Variants in RBFOX1 observed in about 807,000 individuals in gnomAD.
RBFOX1 encodes RNA binding protein fox-1 homolog 1.
Under a neutral mutation model 57.7 loss-of-function variants are expected in RBFOX1, and 8 were observed. The observed-to-expected ratio is 0.14, with a 90% CI of 0.08 to 0.25. RBFOX1 has a LOEUF of 0.25. Among genes scored for constraint, RBFOX1 ranks in the 10% least tolerant of loss-of-function variants. The probability of loss-of-function intolerance (pLI) is 1.00; values close to 1 mark genes in which losing one functional copy is unlikely to be tolerated. For missense variants in RBFOX1, 611 were observed against 548.5 expected (o/e 1.11, Z -1.14); for synonymous variants, 326 against 222.4 (o/e 1.47, Z -4.15).
intron 2 of RBFOX1, among the ~76,000 whole-genome samples, chr16:6,329,154 G>C (rs1358580537): frequency 6.6e-6 from 1 of 152,082 alleles, no homozygotes; most frequent in Non-Finnish European, 1.5e-5. Context: ...TTCAAGTGCT[G>C]AATTCCTACC....
rs112453963 is a variant in RBFOX1, at chr16:7,061,022, C to CTGTGTGTGTGTGTG, written c.27+8928_27+8941dup. 2.7e-3 allele frequency among the ~76,000 whole-genome samples: 405 copies of CTGTGTGTGTGTGTG among 150,630 alleles called. 2 individuals carry two copies. The highest frequency in any genetic ancestry group is 9.4e-3 in the African/African-American group (386 of 41,122). ...TTGATGAGATTTCATGTATGTTCTCCTGTGTGTGTGTGTGTGTACGTGCAC... is the reference window on the plus strand; with the variant it reads ...TTGATGAGATTTCATGTATGTTCTCCTGTGTGTGTGTGTGTGTGTGTGTGTGTGTGTACGTGCAC... On this transcript the variant is annotated intron_variant, in intron 4 of 15. Coordinates refer to ENST00000550418, the MANE Select transcript of RBFOX1 (RefSeq NM_018723.4).
chr16:5,275,238 A>G (rs1357227909), intron 1 of RBFOX1, among the ~76,000 whole-genome samples: 4 of 152,190 alleles, frequency 2.6e-5, no homozygotes, highest in Admixed American at 6.5e-5. Context: ...GCAATGAGTA[A>G]TGATCAAATC....
At position 5,622,979 on chromosome 16, in the gene RBFOX1, T is replaced by C. The variant is rs142989165; in HGVS notation, c.318+24018T>C. Among the ~76,000 whole-genome samples the C allele has an allele frequency of 3.9e-3, 589 of 152,300 alleles. 5 individuals are homozygous for C. Among genetic ancestry groups the C allele is most frequent in the African/African-American group, 0.013 (539 of 41,556 alleles). ...TAATCTATAGACAGTTTGAAGTATA[T>C]GGGAGGATGTCTGTAGGTTATATGC... On this transcript the variant is annotated intron_variant, in intron 3 of 19. Coordinates refer to the RBFOX1 transcript ENST00000641259.
At chr16:6,780,721 G>C (rs887350012) in intron 3 of RBFOX1, among the ~76,000 whole-genome samples, 12 of 150,546 alleles carry the variant, frequency 8.0e-5, no homozygotes, top group Admixed American at 2.7e-4. Context: ...TTACAATTTT[G>C]ATTTGCATTT....
intron 11 of RBFOX1, among the ~76,000 whole-genome samples, chr16:7,631,038 C>A (rs2060866208): frequency 1.3e-5 from 2 of 152,194 alleles, no homozygotes; most frequent in Non-Finnish European, 2.9e-5. Context: ...CCCAAAGGCA[C>A]CCTTGCCTAG....
chr16:6,277,914 G>A (rs752392243), intron 1 of RBFOX1, among the ~76,000 whole-genome samples: 1 of 152,096 alleles, frequency 6.6e-6, no homozygotes, highest in Non-Finnish European at 1.5e-5. Context: ...TTACCCTCGT[G>A]TAAGCTGTCT....
At chr16:6,889,540 C>G (rs2064932486) in intron 3 of RBFOX1, among the ~76,000 whole-genome samples, 1 of 152,146 alleles carries the variant, frequency 6.6e-6, no homozygotes, top group Non-Finnish European at 1.5e-5. Flanking sequence ...GTGTTACTCA[C>G]CCTGTCTTGA....
intron 4 of RBFOX1, among the ~76,000 whole-genome samples, chr16:7,075,584 TTTTTC>T: frequency 6.6e-6 from 1 of 152,000 alleles, no homozygotes. Context: ...TTTTTATTTA[TTTTTC>T]TTTTTTTATG....
At position 6,286,101 on chromosome 16, in the gene RBFOX1, G is replaced by A. The variant is rs2076880724; in HGVS notation, c.-126-30894G>A. Among the ~76,000 whole-genome samples, 4 of 152,164 alleles carry A rather than the reference G, an allele frequency of 2.6e-5. No individual in the cohort carries two copies. The East Asian group carries it at 7.7e-4, about 29-fold the overall frequency. ...TTCACGTATGGCCCTCTTTCCAGGA[G>A]AAATGCTGAAATATGTTTCAAAGCA... On this transcript the variant is annotated intron_variant, in intron 1 of 15. Transcript: ENST00000550418.
intron 1 of RBFOX1, among the ~76,000 whole-genome samples, chr16:6,227,546 A>G (rs976396505): frequency 6.6e-6 from 1 of 152,130 alleles, no homozygotes; most frequent in Admixed American, 6.6e-5. Flanking sequence ...TAGGGACAGA[A>G]GTGAGCTTGT....
intron 1 of RBFOX1, among the ~76,000 whole-genome samples, chr16:6,074,827 T>G (rs1321241197): frequency 6.6e-6 from 1 of 152,124 alleles, no homozygotes; most frequent in Non-Finnish European, 1.5e-5. Flanking sequence ...TATGCTGAGT[T>G]TGGTGGCTTA....
At chr16:6,602,193 G>A (rs1457144031) in intron 2 of RBFOX1, among the ~76,000 whole-genome samples, 1 of 151,868 alleles carries the variant, frequency 6.6e-6, no homozygotes, top group Non-Finnish European at 1.5e-5. Flanking sequence ...TTGAATTTTA[G>A]GAGTTCTTTA....
chr16:6,291,380 T>C (rs1244097721), intron 1 of RBFOX1, among the ~76,000 whole-genome samples: 2 of 152,180 alleles, frequency 1.3e-5, no homozygotes, highest in Non-Finnish European at 2.9e-5. Context: ...TTAGATGATA[T>C]GAGATGGTGG....
At chr16:7,171,983 A>T (rs1478709) in intron 4 of RBFOX1, among the ~76,000 whole-genome samples, 1 of 152,138 alleles carries the variant, frequency 6.6e-6, no homozygotes, top group Non-Finnish European at 1.5e-5. Context: ...GCTGTGTAGT[A>T]TAGTAGGAAG....
At chr16:7,066,888 G>A (rs1028468194) in intron 4 of RBFOX1, among the ~76,000 whole-genome samples, 1 of 152,132 alleles carries the variant, frequency 6.6e-6, no homozygotes, top group Non-Finnish European at 1.5e-5. Flanking sequence ...TACTTATTTT[G>A]AACCCAGACC....
chr16:7,072,472 C>T (rs1240005128), intron 4 of RBFOX1, among the ~76,000 whole-genome samples: 1 of 152,184 alleles, frequency 6.6e-6, no homozygotes, highest in African/African-American at 2.4e-5. Flanking sequence ...CTTAACTCTA[C>T]TCTCTACTGC....
chr16:7,368,125 GACATGGTGGCAC>G (rs1309090300), intron 4 of RBFOX1, among the ~76,000 whole-genome samples: 1 of 152,014 alleles, frequency 6.6e-6, no homozygotes, highest in African/African-American at 2.4e-5. Flanking sequence ...AAATTAGGTG[GACATGGTGGCAC>G]ACACCAGTAG....
chr16:5,459,362 G>C (rs2068722258), intron 1 of RBFOX1, among the ~76,000 whole-genome samples: 1 of 152,192 alleles, frequency 6.6e-6, no homozygotes, highest in African/African-American at 2.4e-5. Flanking sequence ...AGTGTGGTGG[G>C]TTTTGTGGGA....
intron 5 of RBFOX1, among the ~76,000 whole-genome samples, chr16:7,535,578 A>G (rs150093403): frequency 1.4e-3 from 212 of 152,326 alleles, no homozygotes; most frequent in African/African-American, 4.0e-3. Flanking sequence ...TGGAGAGTCT[A>G]TCAGATCTTT....
Sources: allele counts gnomAD v4.1 joint callset (sites outside exome capture counted in the v4.1 genomes callset), GRCh38; gene constraint gnomAD v4.1.1; transcripts MANE v1.5; gene names NCBI Gene and HGNC (gene_info 2026-07-23, HGNC 2026-07-21).